Variants in CHGA observed in about 807,000 individuals in gnomAD.
CHGA encodes chromogranin-A.
Under a neutral mutation model 54.4 loss-of-function variants are expected in CHGA, and 41 were observed. The ratio of observed to expected loss-of-function variants is 0.75; its 90% CI spans 0.59 to 0.98. The LOEUF (loss-of-function observed/expected upper bound fraction) is 0.98. Ranked by LOEUF, CHGA falls within the 50% of genes least tolerant of loss-of-function variation. The pLI, the probability that CHGA is intolerant of heterozygous loss-of-function variation, is 0.00. For synonymous variants in CHGA, 249 were observed against 232.8 expected, an observed-to-expected ratio of 1.07 and a Z score of -0.63; for missense variants, 576 against 582.3, an observed-to-expected ratio of 0.99 and a Z score of 0.11.
Position 92,926,607 on chromosome 14 carries a change from G to A in CHGA, c.96G>A (p.Val32=), listed in dbSNP as rs936527261. Residue 32 remains valine (V), a splice_region_variant and synonymous_variant, in exon 3 of 8, where the codon GTG becomes GTA. Transcript: ENST00000216492. ...NSPMNKGDTE[V]MKCIVEVISD... The stretch of plus-strand genomic sequence containing the variant: ...CTGCCCCTGCACTGTGTTCCCAGGT[G>A]ATGAAATGCATCGTTGAGGTCATCT... 12 of 1,613,782 alleles carry A rather than the reference G, an allele frequency of 7.4e-6. No homozygotes were observed. In the Admixed American group the frequency reaches 1.2e-4, roughly 16 times the overall value.
At position 92,931,461 on chromosome 14, in the gene CHGA, C is replaced by T; in HGVS notation, c.567C>T (p.Leu189=). The change falls in exon 6 of 8, where the codon CTC becomes CTT. Residue 189 remains leucine, a synonymous_variant. Coordinates refer to ENST00000216492, the MANE Select transcript of CHGA (RefSeq NM_001275.4). ...CCAACACCCACCCTCCAGCCAGCCT[C>T]CCCAGCCAGAAATACCCAGGCCCAC... The part of the protein sequence containing the change: ...EATNTHPPAS[L]PSQKYPGPQA... 2 of 1,610,696 alleles carry T rather than the reference C, an allele frequency of 1.2e-6. No homozygotes were observed. The highest frequency in any genetic ancestry group is 2.2e-5 in the South Asian group (2 of 90,448).
intron 1 of CHGA, 72 bp downstream of exon 1, chr14:92,923,477 G>T: frequency 8.4e-7 from 1 of 1,192,062 alleles, no homozygotes; most frequent in East Asian, 3.2e-5. Flanking sequence ...CGGGCACCGC[G>T]CGGCGCCCCG....
At chr14:92,923,114 C>T, upstream of CHGA, 1 of 322,020 alleles carries the variant, frequency 3.1e-6, no homozygotes, top group East Asian at 4.9e-5. Context: ...TTTCCGGGGT[C>T]GGGGTATATA....
intron 2 of CHGA, 74 bp downstream of exon 2, chr14:92,924,319 A>T: frequency 6.8e-7 from 1 of 1,470,258 alleles, no homozygotes; most frequent in Admixed American, 2.3e-5. Context: ...GGGCAGCTGC[A>T]GGAGTAAGTT....
At chr14:92,929,948 G>A (rs1291208876) in intron 5 of CHGA, 133 bp downstream of exon 5, 2 of 697,882 alleles carry the variant, frequency 2.9e-6, no homozygotes, top group Non-Finnish European at 4.9e-6. Flanking sequence ...TCTACAAATG[G>A]GGAAACTGCT....
chr14:92,927,072 G>A (rs1020974315), intron 3 of CHGA, among the ~76,000 whole-genome samples: 5 of 152,240 alleles, frequency 3.3e-5, no homozygotes, highest in Admixed American at 6.5e-5. Context: ...GATGAATAAA[G>A]GAATGTTATG....
In CHGA at chr14:92,932,255, A is replaced by T. The variant is rs1033740555; in HGVS notation, c.809-115A>T. On this transcript the variant is annotated intron_variant, in intron 6 of 7. Coordinates refer to ENST00000216492, the MANE Select transcript of CHGA (RefSeq NM_001275.4). This position sits in a 1 kb window ranked among gnomAD's most constrained non-coding sequence, Gnocchi z 5.3. Reference sequence around the variant, plus strand: ...AAGAAGGTTTTTCCCGCTAAGCGTCATCACTGTGGAGAGGCTGGGCTGTGG... The same window carrying T: ...AAGAAGGTTTTTCCCGCTAAGCGTCTTCACTGTGGAGAGGCTGGGCTGTGG... The T allele has an allele frequency of 1.4e-4, 189 of 1,385,906 alleles. 1 individual carries two copies. Among genetic ancestry groups the T allele is most frequent in the Non-Finnish European group, 1.8e-4 (187 of 1,046,294 alleles). The allele number at this position is 1,385,906 out of a possible 1,614,324, so 85.9% of individuals were successfully genotyped here. A position where few individuals can be genotyped will look rare whatever the true frequency, so the allele number is the denominator to read the frequency against.
At position 92,931,216 on chromosome 14, in the gene CHGA, C is replaced by T. The variant is rs1886986883; in HGVS notation, c.356-34C>T. ...GGGAGGCCCCACACGTGGCCCAGTC[C>T]TCAGGGCCTGACTTGGCTGTGCTGT... On this transcript the variant is annotated intron_variant, in intron 5 of 7. Transcript: ENST00000216492. The T allele has an allele frequency of 2.5e-6, 4 of 1,575,960 alleles. No homozygotes were observed. In the East Asian group the frequency reaches 9.0e-5, roughly 36 times the overall value.
In CHGA at chr14:92,931,440, C is replaced by T; in HGVS notation, c.546C>T (p.Asn182=). ...EEEEEEEEAT[N]THPPASLPSQ... is the part of the protein sequence containing the mutation. ...AGGAGGAGGAGGAGGAGGCCACCAA[C>T]ACCCACCCTCCAGCCAGCCTCCCCA... The change falls in exon 6 of 8, where the codon AAC becomes AAT. Residue 182 remains asparagine, a synonymous_variant. Coordinates refer to ENST00000216492, the MANE Select transcript of CHGA (RefSeq NM_001275.4). 2 of 1,608,128 alleles carry T rather than the reference C, an allele frequency of 1.2e-6. No homozygotes were observed. Among genetic ancestry groups the T allele is most frequent in the Non-Finnish European group, 1.7e-6 (2 of 1,177,940 alleles).
intron 4 of CHGA, among the ~76,000 whole-genome samples, chr14:92,928,661 TTAAA>T (rs1328855036): frequency 2.0e-5 from 3 of 151,706 alleles, no homozygotes; most frequent in Non-Finnish European, 2.9e-5. Context: ...ATTTAAATAA[TTAAA>T]TAGACTGTCA....
At position 92,932,321 on chromosome 14, in the gene CHGA, A is replaced by G. The variant is rs2139674107; in HGVS notation, c.809-49A>G. The G allele has an allele frequency of 6.6e-7, 1 of 1,514,022 alleles. No individual in the cohort carries two copies. Among genetic ancestry groups the G allele is most frequent in the Non-Finnish European group, 8.9e-7 (1 of 1,128,174 alleles). The allele number at this position is 1,514,022 out of a possible 1,614,324, so 93.8% of individuals were successfully genotyped here. A position where few individuals can be genotyped will look rare whatever the true frequency, so the allele number is the denominator to read the frequency against. On this transcript the variant is annotated intron_variant, in intron 6 of 7. Coordinates refer to ENST00000216492, the MANE Select transcript of CHGA (RefSeq NM_001275.4). This position sits in a 1 kb window ranked among gnomAD's most constrained non-coding sequence, Gnocchi z 5.3. ...CCAGGGAGTGGCAGAGACTGGGAAAATGGTGGTCCCCCACCCATTCTCCTG... is the reference window on the plus strand; with the variant it reads ...CCAGGGAGTGGCAGAGACTGGGAAAGTGGTGGTCCCCCACCCATTCTCCTG...
chr14:92,934,946 GCAGGTCCTGGC>G lies in CHGA; in HGVS notation c.*66_*76del, dbSNP rs1887092366. Reference sequence around the variant, plus strand: ...TGGCCCTGGCTCTGCTGTCCCCTTGGCAGGTCCTGGCCAGATGGCCCGGATGCTGCTTCCGG... The same window carrying G: ...TGGCCCTGGCTCTGCTGTCCCCTTGGCAGATGGCCCGGATGCTGCTTCCGG... On this transcript the variant is annotated 3_prime_UTR_variant, in exon 8 of 8. Transcript: ENST00000216492. 1 of 1,422,832 alleles carries G rather than the reference GCAGGTCCTGGC, an allele frequency of 7.0e-7. No individual in the cohort carries two copies. Among genetic ancestry groups the G allele is most frequent in the South Asian group, 1.3e-5 (1 of 75,544 alleles). The allele number at this position is 1,422,832 out of a possible 1,614,324, so 88.1% of individuals were successfully genotyped here.
chr14:92,923,078 G>A, upstream of CHGA: 1 of 283,524 alleles, frequency 3.5e-6, no homozygotes, highest in Non-Finnish European at 6.6e-6. Context: ...TGGGGAAAGG[G>A]GAAGGGGGCG....
rs568449244 is a variant in CHGA, at chr14:92,928,572, T to C, written c.256+954T>C. Among the ~76,000 whole-genome samples the C allele has an allele frequency of 2.6e-5, 4 of 152,334 alleles. No homozygotes were observed. In the East Asian group the frequency reaches 7.7e-4, roughly 29 times the overall value. On this transcript the variant is annotated intron_variant, in intron 4 of 7. Transcript: ENST00000216492. ...TCAGTGACCTTGGACTAGTGTTTTGTTTTGTTTTTAACTAAGCATTAAATA... is the reference window on the plus strand; with the variant it reads ...TCAGTGACCTTGGACTAGTGTTTTGCTTTGTTTTTAACTAAGCATTAAATA...
At chr14:92,930,772 A>G (rs1052875764) in intron 5 of CHGA, among the ~76,000 whole-genome samples, 2 of 152,190 alleles carry the variant, frequency 1.3e-5, no homozygotes, top group African/African-American at 2.4e-5. Context: ...TCACTTGTTC[A>G]AAGGCTGTCT....
rs149888148 is a variant in CHGA, at chr14:92,933,494, C to T, written c.1290+643C>T. ...GGGCCCCTGGGGAAGACAAATGGGG[C>T]GTGGGGACACAGCCCACAGGAGCAG... On this transcript the variant is annotated intron_variant, in intron 7 of 7. Transcript: ENST00000216492. 3.2e-3 allele frequency among the ~76,000 whole-genome samples: 488 copies of T among 152,246 alleles called. 4 individuals carry two copies. Among genetic ancestry groups the T allele is most frequent in the African/African-American group, 0.011 (464 of 41,542 alleles).
At chr14:92,928,320 G>T (rs559558135) in intron 4 of CHGA, among the ~76,000 whole-genome samples, 4 of 152,226 alleles carry the variant, frequency 2.6e-5, no homozygotes, top group Admixed American at 6.5e-5. Context: ...TGAGGCCTTT[G>T]GGACAGACCA....
intron 4 of CHGA, among the ~76,000 whole-genome samples, chr14:92,928,684 T>C (rs1886936032): frequency 6.6e-6 from 1 of 152,240 alleles, no homozygotes; most frequent in East Asian, 1.9e-4. Flanking sequence ...CAACAGAGAC[T>C]ATTATAGGAG....
chr14:92,929,876 TATG>T, intron 5 of CHGA, 61 bp downstream of exon 5: 1 of 1,352,814 alleles, frequency 7.4e-7, no homozygotes, highest in African/African-American at 1.4e-5. Context: ...GAACAGTGGC[TATG>T]ATGGACCCAG....
Sources: gnomAD v4.1 joint callset for allele counts (sites outside exome capture counted in the v4.1 genomes callset) on GRCh38, gnomAD v4.1.1 for gene constraint, Gnocchi (gnomAD v3.1) non-coding constraint, MANE v1.5 for transcripts, NCBI Gene and HGNC (gene_info 2026-07-23, HGNC 2026-07-21) for gene names.